COL11A1: variants seen among roughly 807,000 people sequenced by gnomAD.
COL11A1 encodes the protein collagen type XI alpha 1 chain, also known as collagen alpha-1(XI) chain.
COL11A1 carries 74 observed loss-of-function variants against 265.2 expected under a neutral mutation model. That is an observed-to-expected ratio of 0.28 (90% CI 0.23 to 0.34). The LOEUF (loss-of-function observed/expected upper bound fraction) is 0.34, where lower values mean the gene tolerates loss of function less well. COL11A1 is among the 10% of genes least tolerant of loss of function. The pLI, the probability that COL11A1 is intolerant of heterozygous loss-of-function variation, is 1.00. For synonymous variants in COL11A1, 816 were observed against 727.6 expected, an observed-to-expected ratio of 1.12 and a Z score of -1.96; for missense variants, 2,165 against 2,263.6, an observed-to-expected ratio of 0.96 and a Z score of 0.88.
intron 4 of COL11A1, among the ~76,000 whole-genome samples, chr1:103,072,320 A>C (rs1293958455): frequency 6.6e-6 from 1 of 151,950 alleles, no homozygotes; most frequent in Admixed American, 6.6e-5. Flanking sequence ...GGCAGTGTAT[A>C]CATGAAATTA....
chr1:103,013,253 T>G (rs1013078584), intron 13 of COL11A1, among the ~76,000 whole-genome samples: 2 of 152,042 alleles, frequency 1.3e-5, no homozygotes, highest in Non-Finnish European at 2.9e-5. Flanking sequence ...ATGAAAACAG[T>G]AGGATCTCCA....
intron 4 of COL11A1, among the ~76,000 whole-genome samples, chr1:103,070,884 G>C (rs1174782202): frequency 6.6e-6 from 1 of 151,880 alleles, no homozygotes; most frequent in Non-Finnish European, 1.5e-5. Context: ...GCATTAAAAA[G>C]ATATATGGAC....
intron 13 of COL11A1, among the ~76,000 whole-genome samples, chr1:103,013,390 G>A (rs2622841): frequency 0.91 from 137,420 of 151,836 alleles, 62,889 homozygotes; most frequent in East Asian, 1. Flanking sequence ...GACTAATAAA[G>A]TGAGGAATTC....
intron 31 of COL11A1, among the ~76,000 whole-genome samples, chr1:102,981,930 T>A (rs1452913196): frequency 2.0e-5 from 3 of 151,808 alleles, no homozygotes; most frequent in African/African-American, 2.4e-5. Context: ...TTAATCTGCT[T>A]GAAAGAGACT....
chr1:102,939,731 C>T (rs1043464865), intron 43 of COL11A1, among the ~76,000 whole-genome samples: 8 of 151,958 alleles, frequency 5.3e-5, no homozygotes, highest in Non-Finnish European at 1.2e-4. Flanking sequence ...AAAATAAAAA[C>T]AAAATAATGG....
chr1:102,898,858 A>C (rs981357368), intron 55 of COL11A1, 83 bp downstream of exon 55: 69 of 1,328,032 alleles, frequency 5.2e-5, no homozygotes, highest in Non-Finnish European at 6.9e-5. Context: ...AAAGTAGATC[A>C]GTTTATGCAT....
At chr1:103,086,417 G>A (rs1672862350) in intron 1 of COL11A1, among the ~76,000 whole-genome samples, 1 of 152,000 alleles carries the variant, frequency 6.6e-6, no homozygotes, top group Non-Finnish European at 1.5e-5. Flanking sequence ...TATTTTGTTT[G>A]TTTGTTTGTT....
At position 102,961,556 on chromosome 1, in the gene COL11A1, C is replaced by T. The variant is rs148326572; in HGVS notation, c.3168+310G>A. 2.5e-4 allele frequency among the ~76,000 whole-genome samples: 38 copies of T among 152,294 alleles called. 1 individual carries two copies. The East Asian group carries it at 6.4e-3, about 25-fold the overall frequency. ...AAGTAAAAATTTCAAACTACAGCCT[C>T]TCCAGGCATTCCGTGACTATGAGCT... On this transcript the variant is annotated intron_variant, in intron 41 of 66. Transcript: ENST00000370096.
At chr1:102,996,774 T>C (rs1181050408) in intron 26 of COL11A1, among the ~76,000 whole-genome samples, 1 of 151,944 alleles carries the variant, frequency 6.6e-6, no homozygotes, top group Admixed American at 6.6e-5. Context: ...TGGGGTTACA[T>C]AAGCAGTTCA....
At chr1:102,969,146 G>A (rs1661714237) in intron 37 of COL11A1, among the ~76,000 whole-genome samples, 1 of 152,018 alleles carries the variant, frequency 6.6e-6, no homozygotes, top group South Asian at 2.1e-4. Flanking sequence ...TTTCAATTTT[G>A]CTTTTGAAAT....
chr1:103,073,797 T>C (rs1013702687), intron 4 of COL11A1, among the ~76,000 whole-genome samples: 15 of 152,008 alleles, frequency 9.9e-5, no homozygotes, highest in Admixed American at 8.5e-4. Flanking sequence ...TTTGTATATA[T>C]ATATGTGTGT....
intron 3 of COL11A1, among the ~76,000 whole-genome samples, chr1:103,075,221 T>C (rs1410207472): frequency 6.6e-6 from 1 of 152,194 alleles, no homozygotes; most frequent in East Asian, 1.9e-4. Flanking sequence ...AGATTGACTG[T>C]AACAGGGTAT....
chr1:102,980,712 T>C (rs969246105), intron 31 of COL11A1, among the ~76,000 whole-genome samples: 2 of 152,108 alleles, frequency 1.3e-5, no homozygotes, highest in Non-Finnish European at 2.9e-5. Context: ...TTTCTCCAAG[T>C]GATACATGGC....
intron 54 of COL11A1, among the ~76,000 whole-genome samples, 187 bp from the exon 55 acceptor site, chr1:102,899,181 A>G (rs1235008765): frequency 6.6e-6 from 1 of 152,050 alleles, no homozygotes; most frequent in Non-Finnish European, 1.5e-5. Flanking sequence ...CTCTTAGAAT[A>G]CTGAAAAACA....
At chr1:103,101,337 G>A (rs1279788847) in intron 1 of COL11A1, among the ~76,000 whole-genome samples, 1 of 152,024 alleles carries the variant, frequency 6.6e-6, no homozygotes, top group Non-Finnish European at 1.5e-5. Context: ...ACAGTCAGCA[G>A]TAGGTTGAGC....
intron 63 of COL11A1, among the ~76,000 whole-genome samples, chr1:102,884,093 T>G (rs1650629809): frequency 6.6e-6 from 1 of 152,164 alleles, no homozygotes; most frequent in Admixed American, 6.5e-5. Context: ...TTACTTTGCT[T>G]CCTTCTGTTG....
At chr1:102,888,842 A>C (rs754845645) in intron 60 of COL11A1, 24 bp downstream of exon 60, 9 of 1,612,134 alleles carry the variant, frequency 5.6e-6, no homozygotes, top group African/African-American at 1.3e-5. Flanking sequence ...CCTACCTTAT[A>C]AGGTTATTTT....
intron 31 of COL11A1, among the ~76,000 whole-genome samples, chr1:102,982,342 T>C (rs1663118502): frequency 6.6e-6 from 1 of 152,042 alleles, no homozygotes; most frequent in Non-Finnish European, 1.5e-5. Flanking sequence ...TACTCATTCA[T>C]GTAATATTGT....
chr1:103,061,586 A>C (rs1224772548), intron 4 of COL11A1, among the ~76,000 whole-genome samples: 1 of 152,092 alleles, frequency 6.6e-6, no homozygotes, highest in African/African-American at 2.4e-5. Context: ...GGAAATCCCA[A>C]AATAATTGGA....
Sources: allele counts gnomAD v4.1 joint callset (sites outside exome capture counted in the v4.1 genomes callset), GRCh38; gene constraint gnomAD v4.1.1; transcripts MANE v1.5; gene names NCBI Gene and HGNC (gene_info 2026-07-23, HGNC 2026-07-21).